The following RAI2 variants were observed in gnomAD, a reference collection of about 807,000 sequenced individuals.
RAI2 encodes the protein retinoic acid induced 2.
In RAI2, 5 loss-of-function variants were observed where a neutral mutation model predicts 15.3. The observed-to-expected ratio is 0.33, with a 90% confidence interval of 0.17 to 0.69. RAI2 has a LOEUF of 0.69. Ranked by LOEUF, RAI2 falls within the 30% of genes least tolerant of loss-of-function variation. The pLI, the probability that RAI2 is intolerant of heterozygous loss-of-function variation, is 0.69. For synonymous variants in RAI2, 191 were observed against 184.0 expected, an observed-to-expected ratio of 1.04 and a Z score of -0.31; for missense variants, 424 against 424.7, an observed-to-expected ratio of 1.00 and a Z score of 0.01.
At chrX:17,820,906 T>G (rs1376842017) in intron 1 of RAI2, among the ~76,000 whole-genome samples, 2 of 104,942 alleles carry the variant, frequency 1.9e-5, no homozygotes, top group Non-Finnish European at 3.9e-5. Context: ...AAAAAAAAAA[T>G]AGAGACATTT....
rs751801073 is a variant in RAI2 at position 17,801,030 on chromosome X, G to T, written c.981C>A (p.Leu327=). 1 of 1,211,617 alleles carries T rather than the reference G, an allele frequency of 8.3e-7. No homozygotes were observed. The highest frequency in any genetic ancestry group is 1.8e-5 in the South Asian group (1 of 56,959). The change falls in exon 2 of 2, where the codon CTC becomes CTA. Residue 327 remains leucine (L), a synonymous_variant. Coordinates refer to ENST00000451717, the MANE Select transcript of RAI2 (RefSeq NM_021785.6). ...LDLSMKSVPW[L]KAGEVSPPIF... is the part of the protein sequence containing the mutation. Reference sequence around the variant, plus strand: ...TTGGGGGACTGACTTCACCAGCCTTGAGCCAGGGCACTGACTTCATGGAGA... The same window carrying T: ...TTGGGGGACTGACTTCACCAGCCTTTAGCCAGGGCACTGACTTCATGGAGA...
chrX:17,826,883 C>T (rs2067232609), intron 1 of RAI2, among the ~76,000 whole-genome samples: 1 of 112,218 alleles, frequency 8.9e-6, no homozygotes, highest in Non-Finnish European at 1.9e-5. Flanking sequence ...TTCCTGAGAC[C>T]TCCCCAGTCA....
chrX:17,815,323 GCACACACACACACACACACACA>G (rs5901632), intron 1 of RAI2, among the ~76,000 whole-genome samples: 8 of 100,949 alleles, frequency 7.9e-5, no homozygotes, highest in Non-Finnish European at 1.4e-4. Context: ...GTGCACACGT[GCACACACACACACACACACACA>G]CACACACACA....
intron 1 of RAI2, among the ~76,000 whole-genome samples, chrX:17,818,919 C>T (rs1422759338): frequency 8.8e-6 from 1 of 113,032 alleles, no homozygotes; most frequent in Non-Finnish European, 1.9e-5. Flanking sequence ...GCTGCTTACA[C>T]GTTAGACGAT....
rs763568776 is a variant in RAI2 at position 17,801,713 on chromosome X, A to C, written c.298T>G (p.Ser100Ala). The change falls in exon 2 of 2, where the codon TCC (serine) becomes GCC (alanine). Residue 100 changes from serine to alanine, a missense_variant. Ser to Ala is a moderately conservative substitution (Grantham distance 99). Coordinates refer to ENST00000451717, the MANE Select transcript of RAI2 (RefSeq NM_021785.6). ...MPIHMQVEGSSAPELNPNGNA... is the reference protein window; with the variant it reads ...MPIHMQVEGSAAPELNPNGNA... ...CCATTCGGATTGAGCTCTGGTGCGG[A>C]GCTTCCCTCCACCTGCATGTGAATG... 8 of 1,209,824 alleles carry C rather than the reference A, an allele frequency of 6.6e-6. No homozygotes were observed. The highest frequency in any genetic ancestry group is 8.9e-6 in the Non-Finnish European group (8 of 895,190).
At position 17,800,335 on chromosome X, in the gene RAI2, G is replaced by A; in HGVS notation, c.*83C>T. ...ACTACTCCCCAAAATAATTAACAAA[G>A]ATAATTTGTTTTAAATGCCTTTTTA... On this transcript the variant is annotated 3_prime_UTR_variant, in exon 2 of 2. Coordinates refer to ENST00000451717, the MANE Select transcript of RAI2 (RefSeq NM_021785.6). The A allele has an allele frequency of 1.8e-6, 2 of 1,081,251 alleles. No homozygotes were observed. Among genetic ancestry groups the A allele is most frequent in the Non-Finnish European group, 2.4e-6 (2 of 818,258 alleles). The allele number at this position is 1,081,251 out of a possible 1,213,427, so 89.1% of individuals were successfully genotyped here. A position where few individuals can be genotyped will look rare whatever the true frequency, so the allele number is the denominator to read the frequency against.
intron 1 of RAI2, 138 bp downstream of exon 1, chrX:17,860,960 C>T (rs2067681761): frequency 9.5e-6 from 1 of 104,921 alleles, no homozygotes; most frequent in African/African-American, 3.4e-5. Flanking sequence ...CCGTCCTGCC[C>T]CCGGGAGCAG....
At chrX:17,851,746 C>T (rs777088685) in intron 1 of RAI2, among the ~76,000 whole-genome samples, 6 of 111,622 alleles carry the variant, frequency 5.4e-5, no homozygotes, top group African/African-American at 9.8e-5. Context: ...TCCGGAGTCT[C>T]GAAAGATAGT....
intron 1 of RAI2, among the ~76,000 whole-genome samples, chrX:17,803,675 G>A (rs1288673692): frequency 8.9e-6 from 1 of 112,455 alleles, no homozygotes; most frequent in Non-Finnish European, 1.9e-5. Context: ...TGAGGCAGGA[G>A]GAGAAGGGGG....
chrX:17,831,166 C>T (rs1199946230), intron 1 of RAI2, among the ~76,000 whole-genome samples: 1 of 111,454 alleles, frequency 9.0e-6, no homozygotes, highest in South Asian at 3.8e-4. Flanking sequence ...TTGGACTTTT[C>T]CATGGAGATA....
chrX:17,847,599 C>T (rs2067478693), intron 1 of RAI2, among the ~76,000 whole-genome samples: 1 of 112,680 alleles, frequency 8.9e-6, no homozygotes, highest in Non-Finnish European at 1.9e-5. Context: ...ATATTAAAGC[C>T]CTGCAGTGGT....
intron 1 of RAI2, among the ~76,000 whole-genome samples, chrX:17,837,036 T>C (rs942166057): frequency 8.9e-6 from 1 of 112,088 alleles, no homozygotes; most frequent in African/African-American, 3.2e-5. Context: ...TCCAGTTACA[T>C]TGCATCATCA....
intron 1 of RAI2, among the ~76,000 whole-genome samples, chrX:17,843,539 T>C (rs2067423318): frequency 8.9e-6 from 1 of 112,109 alleles, no homozygotes; most frequent in South Asian, 3.7e-4. Flanking sequence ...TTAAAAGTAT[T>C]TTCCATGTTC....
intron 1 of RAI2, among the ~76,000 whole-genome samples, chrX:17,836,315 T>C (rs1232416219): frequency 8.9e-6 from 1 of 111,937 alleles, no homozygotes; most frequent in Non-Finnish European, 1.9e-5. Context: ...AAAATGCATT[T>C]CATACACCTA....
chrX:17,832,420 C>T (rs1341919855), intron 1 of RAI2, among the ~76,000 whole-genome samples: 1 of 112,301 alleles, frequency 8.9e-6, no homozygotes, highest in African/African-American at 3.2e-5. Flanking sequence ...CTCGCCTCAC[C>T]CATCAGCTGG....
At chrX:17,850,750 A>G (rs960522925) in intron 1 of RAI2, among the ~76,000 whole-genome samples, 3 of 112,384 alleles carry the variant, frequency 2.7e-5, no homozygotes, top group African/African-American at 9.7e-5. Context: ...TGAAGGATCC[A>G]ATATGAGTTA....
chrX:17,850,955 T>G (rs1240357274), intron 1 of RAI2, among the ~76,000 whole-genome samples: 2 of 112,966 alleles, frequency 1.8e-5, no homozygotes, highest in Admixed American at 9.3e-5. Context: ...TTCTTCCACT[T>G]CACTGTGAGG....
At chrX:17,810,748 C>T (rs889318701) in intron 1 of RAI2, among the ~76,000 whole-genome samples, 1 of 112,614 alleles carries the variant, frequency 8.9e-6, no homozygotes, top group Non-Finnish European at 1.9e-5. Context: ...TCAGCCTGCC[C>T]GCAAAGGATC....
rs1276016314 is a variant in RAI2 at position 17,830,576 on chromosome X, T to G, written c.-24-28542A>C. ...AAACAATACAAAACAACAAGAGAAA[T>G]AAACCAGATGGCAAAAAAACATAAA... On this transcript the variant is annotated intron_variant, in intron 1 of 1. Coordinates refer to ENST00000451717, the MANE Select transcript of RAI2 (RefSeq NM_021785.6). Among the ~76,000 whole-genome samples the G allele has an allele frequency of 5.6e-5, 6 of 107,792 alleles. No homozygotes were observed. In the Admixed American group the frequency reaches 6.0e-4, roughly 11 times the overall value. 93.6% of individuals were successfully genotyped at this position (107,792 alleles called of 115,157 possible). A position where few individuals can be genotyped will look rare whatever the true frequency, so the allele number is the denominator to read the frequency against.
Sources: gnomAD v4.1 joint callset for allele counts (sites outside exome capture counted in the v4.1 genomes callset) on GRCh38, gnomAD v4.1.1 for gene constraint, MANE v1.5 for transcripts, NCBI Gene and HGNC (gene_info 2026-07-23, HGNC 2026-07-21) for gene names.